DPYD: variants seen among roughly 807,000 people sequenced by gnomAD.
DPYD encodes dihydropyrimidine dehydrogenase [NADP(+)].
Under a neutral mutation model 116.2 loss-of-function variants are expected in DPYD, and 109 were observed. That is an observed-to-expected ratio of 0.94 (90% confidence interval 0.80 to 1.10). The LOEUF is 1.10. Ranked by LOEUF, DPYD falls within the 50% of genes least tolerant of loss-of-function variation. DPYD has a pLI of 0.00. For synonymous variants in DPYD, 440 were observed against 432.0 expected, an observed-to-expected ratio of 1.02 and a Z score of -0.23; for missense variants, 1,302 against 1,254.5, an observed-to-expected ratio of 1.04 and a Z score of -0.57.
At chr1:97,755,299 G>A (rs898881173) in intron 3 of DPYD, among the ~76,000 whole-genome samples, 6 of 152,112 alleles carry the variant, frequency 3.9e-5, no homozygotes, top group Non-Finnish European at 7.4e-5. Flanking sequence ...TCCAGGGCAG[G>A]CTGCTTCCCT....
chr1:97,167,944 C>T (rs569145015), intron 20 of DPYD, among the ~76,000 whole-genome samples: 2 of 152,264 alleles, frequency 1.3e-5, no homozygotes, highest in East Asian at 3.9e-4. Context: ...CAGAGGTCAA[C>T]TACTCTCATT....
At chr1:97,145,256 C>A (rs1290769989) in intron 20 of DPYD, among the ~76,000 whole-genome samples, 1 of 151,884 alleles carries the variant, frequency 6.6e-6, no homozygotes, top group Non-Finnish European at 1.5e-5. Flanking sequence ...TGCATAAACA[C>A]AAAATAATAG....
intron 3 of DPYD, among the ~76,000 whole-genome samples, chr1:97,793,518 C>G (rs1667416531): frequency 6.6e-6 from 1 of 152,058 alleles, no homozygotes; most frequent in African/African-American, 2.4e-5. Flanking sequence ...ATCAATGCCA[C>G]AGAATACAAA....
Position 97,749,969 on chromosome 1 carries a change from T to A in DPYD, c.234-9490A>T, listed in dbSNP as rs535717058. ...TCTTTGATTTATATCAAATAATTAT[T>A]CCAGGCTTCATAGAAAAAAAAAGGA... On this transcript the variant is annotated intron_variant, in intron 3 of 22. Transcript: ENST00000370192. Among the ~76,000 whole-genome samples, 3 of 152,176 alleles carry A rather than the reference T, an allele frequency of 2.0e-5. No individual in the cohort carries two copies. The East Asian group carries it at 5.8e-4, about 29-fold the overall frequency.
At chr1:97,883,872 C>T (rs1339660316) in intron 1 of DPYD, 2 of 459,704 alleles carry the variant, frequency 4.4e-6, no homozygotes, top group Non-Finnish European at 8.4e-6. Context: ...AAGAATGACC[C>T]CAAATTTGCA....
chr1:97,345,985 TTATAATACA>T (rs1449881678), intron 16 of DPYD, among the ~76,000 whole-genome samples: 2 of 151,924 alleles, frequency 1.3e-5, no homozygotes, highest in Non-Finnish European at 2.9e-5. Flanking sequence ...AAAAGAATAT[TTATAATACA>T]TATATTAGGT....
chr1:97,317,930 T>C (rs545878096), intron 16 of DPYD, among the ~76,000 whole-genome samples: 1 of 152,184 alleles, frequency 6.6e-6, no homozygotes, highest in Non-Finnish European at 1.5e-5. Context: ...TTGGTATAGT[T>C]CTTTAAAGAA....
At chr1:97,770,166 C>T (rs1316336935) in intron 3 of DPYD, among the ~76,000 whole-genome samples, 2 of 152,168 alleles carry the variant, frequency 1.3e-5, no homozygotes, top group Non-Finnish European at 1.5e-5. Flanking sequence ...GTTTGAAGCT[C>T]GCATGTCCTA....
At chr1:97,340,378 G>A (rs1230471098) in intron 16 of DPYD, among the ~76,000 whole-genome samples, 1 of 152,040 alleles carries the variant, frequency 6.6e-6, no homozygotes, top group Non-Finnish European at 1.5e-5. Context: ...GAAAAAGTGG[G>A]AAATGATATA....
chr1:97,340,926 A>G (rs1669557473), intron 16 of DPYD, among the ~76,000 whole-genome samples: 1 of 152,184 alleles, frequency 6.6e-6, no homozygotes, highest in African/African-American at 2.4e-5. Flanking sequence ...TTCCCCCAAA[A>G]TAGCTGTTTT....
rs1023165162 is a variant in DPYD at position 97,821,558 on chromosome 1, G to A, written c.233+6556C>T. 2.0e-5 allele frequency among the ~76,000 whole-genome samples: 3 copies of A among 152,066 alleles called. No individual in the cohort carries two copies. The South Asian group carries it at 6.2e-4, about 32-fold the overall frequency. On this transcript the variant is annotated intron_variant, in intron 3 of 22. Coordinates refer to ENST00000370192, the MANE Select transcript of DPYD (RefSeq NM_000110.4). ...ATTCATTATCATACTATAAACCAGA[G>A]ATTTGACCTAGAGATGATGCACTTT... is the stretch of plus-strand genomic sequence containing the variant.
At chr1:97,606,463 T>C (rs1655608635) in intron 8 of DPYD, among the ~76,000 whole-genome samples, 1 of 151,946 alleles carries the variant, frequency 6.6e-6, no homozygotes, top group African/African-American at 2.4e-5. Context: ...AAGCTGAGTC[T>C]TAAAAGATTA....
chr1:97,290,373 G>A (rs931676478), intron 18 of DPYD, among the ~76,000 whole-genome samples: 7 of 152,166 alleles, frequency 4.6e-5, no homozygotes, highest in East Asian at 1.9e-4. Context: ...AGCCCACATC[G>A]CCAAGTCAAT....
intron 9 of DPYD, 21 bp from the exon 10 acceptor site, chr1:97,593,408 C>T (rs1225865575): frequency 1.2e-6 from 2 of 1,613,414 alleles, no homozygotes; most frequent in Non-Finnish European, 1.7e-6. Flanking sequence ...AAAGGAAAAC[C>T]CCATTTTCAA....
intron 20 of DPYD, among the ~76,000 whole-genome samples, chr1:97,179,204 C>A (rs1431359437): frequency 6.6e-6 from 1 of 152,104 alleles, no homozygotes; most frequent in Non-Finnish European, 1.5e-5. Context: ...TACTCTGTAT[C>A]TCAATAAAGA....
At chr1:97,831,250 CAACT>C (rs1219675541) in intron 2 of DPYD, among the ~76,000 whole-genome samples, 1 of 152,182 alleles carries the variant, frequency 6.6e-6, no homozygotes, top group Admixed American at 6.5e-5. Context: ...GTATTTCAAG[CAACT>C]AACATCTTTA....
intron 18 of DPYD, among the ~76,000 whole-genome samples, chr1:97,298,271 T>G (rs982051453): frequency 2.0e-5 from 3 of 152,112 alleles, no homozygotes; most frequent in African/African-American, 7.2e-5. Flanking sequence ...GCAGTGTACA[T>G]TCTGATACAT....
At chr1:97,747,097 T>C (rs1664601457) in intron 3 of DPYD, among the ~76,000 whole-genome samples, 1 of 152,062 alleles carries the variant, frequency 6.6e-6, no homozygotes, top group African/African-American at 2.4e-5. Flanking sequence ...TCATGGTTTA[T>C]AAACTGAATT....
In DPYD at chr1:97,354,271, C is replaced by T. The variant is rs566040112; in HGVS notation, c.2058+19290G>A. On this transcript the variant is annotated intron_variant, in intron 16 of 22. Coordinates refer to ENST00000370192, the MANE Select transcript of DPYD (RefSeq NM_000110.4). ...TAATTCCACAAAAGACCAGGCTAGA[C>T]AGTGCACTTTCTCTTTCTGTCCTCT... 5.9e-5 allele frequency among the ~76,000 whole-genome samples: 9 copies of T among 152,268 alleles called. No homozygotes were observed. In the East Asian group the frequency reaches 1.5e-3, roughly 26 times the overall value.
Sources: allele counts gnomAD v4.1 joint callset (sites outside exome capture counted in the v4.1 genomes callset), GRCh38; gene constraint gnomAD v4.1.1; transcripts MANE v1.5; gene names NCBI Gene and HGNC (gene_info 2026-07-23, HGNC 2026-07-21).